The following MAD1L1 variants were observed in gnomAD, a reference collection of about 807,000 sequenced individuals.
MAD1L1 encodes mitotic spindle assembly checkpoint protein MAD1.
Under a neutral mutation model 96.9 loss-of-function variants are expected in MAD1L1, and 95 were observed. The ratio of observed to expected loss-of-function variants is 0.98; its 90% CI spans 0.83 to 1.16. MAD1L1 has a LOEUF of 1.16. MAD1L1 is among the 50% of genes most tolerant of loss of function. MAD1L1 has a pLI of 0.00. For synonymous variants in MAD1L1, 473 were observed against 396.6 expected (o/e 1.19, Z -2.29); for missense variants, 1,007 against 954.4 (o/e 1.06, Z -0.73).
intron 10 of MAD1L1, among the ~76,000 whole-genome samples, chr7:2,164,320 C>A (rs1434860839): frequency 2.0e-5 from 3 of 152,218 alleles, no homozygotes; most frequent in African/African-American, 7.2e-5. Flanking sequence ...AAAGCCCGCA[C>A]TCTGGAGGCA....
chr7:2,151,380 C>A (rs1236911411), intron 10 of MAD1L1, among the ~76,000 whole-genome samples: 2 of 152,226 alleles, frequency 1.3e-5, no homozygotes, highest in African/African-American at 2.4e-5. Flanking sequence ...CAAGACCACC[C>A]CGCCTCACAC....
Position 2,229,942 on chromosome 7 carries a change from G to A in MAD1L1, c.150+42C>T, listed in dbSNP as rs371866044. On this transcript the variant is annotated intron_variant, in intron 3 of 18. Coordinates refer to ENST00000265854, the MANE Select transcript of MAD1L1 (RefSeq NM_001013836.2). ...GGAAGAGGTCCTGCCCGGGCCCAGG[G>A]TCTCCCCAGAGCAGACTCCCACCCA... The A allele has an allele frequency of 6.8e-5, 108 of 1,599,710 alleles. No individual in the cohort carries two copies. The African/African-American group carries it at 1.1e-3, about 16-fold the overall frequency.
chr7:2,035,041 A>G (rs575879330), intron 12 of MAD1L1, among the ~76,000 whole-genome samples: 1 of 152,370 alleles, frequency 6.6e-6, no homozygotes, highest in South Asian at 2.1e-4. Flanking sequence ...CAGAGGCGGG[A>G]GCTCAGGGAG....
At chr7:2,131,587 C>G (rs1462543101) in intron 11 of MAD1L1, among the ~76,000 whole-genome samples, 3 of 152,228 alleles carry the variant, frequency 2.0e-5, no homozygotes, top group Non-Finnish European at 4.4e-5. Flanking sequence ...TGTCCTTGCT[C>G]AAGGCCTCCC....
At chr7:1,834,918 G>A (rs190393176) in intron 18 of MAD1L1, among the ~76,000 whole-genome samples, 23 of 151,934 alleles carry the variant, frequency 1.5e-4, no homozygotes, top group African/African-American at 4.3e-4. Context: ...AAAACAAAAC[G>A]GTTAGCAATT....
chr7:1,985,463 T>G (rs1781097269), intron 14 of MAD1L1, among the ~76,000 whole-genome samples: 1 of 150,920 alleles, frequency 6.6e-6, no homozygotes, highest in African/African-American at 2.4e-5. Flanking sequence ...TCACAGTCAC[T>G]CTCTCGGGAT....
intron 18 of MAD1L1, among the ~76,000 whole-genome samples, chr7:1,840,730 C>CAACAA (rs1055791262): frequency 6.6e-6 from 1 of 152,154 alleles, no homozygotes; most frequent in Non-Finnish European, 1.5e-5. Context: ...CTCCATCTGA[C>CAACAA]AACAAAACAA....
intron 15 of MAD1L1, among the ~76,000 whole-genome samples, chr7:1,961,131 C>T (rs962392582): frequency 2.6e-5 from 4 of 152,138 alleles, no homozygotes; most frequent in Non-Finnish European, 4.4e-5. Context: ...GAGAGAGAGG[C>T]CTTGTCCACA....
intron 18 of MAD1L1, 147 bp downstream of exon 18, chr7:1,898,053 G>C: frequency 1.2e-6 from 1 of 824,798 alleles, no homozygotes; most frequent in South Asian, 1.6e-5. Context: ...TGACGAGGAC[G>C]GGCCAGTGCA....
intron 18 of MAD1L1, among the ~76,000 whole-genome samples, chr7:1,856,579 C>T (rs1393484250): frequency 1.3e-5 from 2 of 152,224 alleles, no homozygotes; most frequent in East Asian, 1.9e-4. Context: ...GGCCTGTATC[C>T]GCTGCGTGCT....
intron 10 of MAD1L1, among the ~76,000 whole-genome samples, chr7:2,157,747 G>T (rs1298085860): frequency 6.6e-6 from 1 of 152,140 alleles, no homozygotes; most frequent in Admixed American, 6.5e-5. Flanking sequence ...TGCAGCCTTC[G>T]CCACACATCA....
intron 13 of MAD1L1, 99 bp downstream of exon 13, chr7:2,014,403 C>T (rs1782437283): frequency 1.9e-5 from 26 of 1,403,044 alleles, no homozygotes; most frequent in East Asian, 2.5e-5. Context: ...ACTGGGGAGG[C>T]GGGGTCCAGA....
At chr7:1,867,600 G>A (rs575073812) in intron 18 of MAD1L1, among the ~76,000 whole-genome samples, 1 of 152,378 alleles carries the variant, frequency 6.6e-6, no homozygotes, top group South Asian at 2.1e-4. Context: ...GCAGCACTCT[G>A]CCAGATTCTA....
chr7:1,987,373 G>A (rs1434130042), intron 14 of MAD1L1, among the ~76,000 whole-genome samples: 1 of 152,226 alleles, frequency 6.6e-6, no homozygotes, highest in Non-Finnish European at 1.5e-5. Context: ...CGCGGCAATG[G>A]CCACTTCCCA....
intron 16 of MAD1L1, among the ~76,000 whole-genome samples, chr7:1,942,891 G>T (rs563393102): frequency 1.8e-4 from 27 of 152,180 alleles, no homozygotes; most frequent in African/African-American, 6.5e-4. Flanking sequence ...TTACTACAAA[G>T]CCACTGCAAT....
At chr7:2,094,070 C>A (rs2128546788) in intron 11 of MAD1L1, among the ~76,000 whole-genome samples, 1 of 152,348 alleles carries the variant, frequency 6.6e-6, no homozygotes, top group East Asian at 1.9e-4. Context: ...CCAGGGAGGA[C>A]AGCACTGGTG....
chr7:2,064,092 G>A (rs1344873878), intron 12 of MAD1L1, among the ~76,000 whole-genome samples: 3 of 152,130 alleles, frequency 2.0e-5, no homozygotes, highest in South Asian at 4.2e-4. Flanking sequence ...CTGGCCTCGC[G>A]GCTAACCCTG....
intron 10 of MAD1L1, among the ~76,000 whole-genome samples, chr7:2,157,399 T>C (rs1789898852): frequency 6.6e-6 from 1 of 152,126 alleles, no homozygotes; most frequent in Non-Finnish European, 1.5e-5. Context: ...ACACCTCACA[T>C]GCGTAAGAAC....
chr7:2,128,020 A>G (rs149930053), intron 11 of MAD1L1, among the ~76,000 whole-genome samples: 1,821 of 152,282 alleles, frequency 0.012, 41 homozygotes, highest in Admixed American at 0.056. Context: ...AGGCCCTGAC[A>G]CTGAGAGACA....
Sources: allele counts gnomAD v4.1 joint callset (sites outside exome capture counted in the v4.1 genomes callset), GRCh38; gene constraint gnomAD v4.1.1; transcripts MANE v1.5; gene names NCBI Gene and HGNC (gene_info 2026-07-23, HGNC 2026-07-21).